The following SLC24A3 variants were observed in gnomAD, a reference collection of about 807,000 sequenced individuals.
SLC24A3 encodes the protein solute carrier family 24 member 3.
SLC24A3 carries 28 observed loss-of-function variants against 75.8 expected under a neutral mutation model. That is an observed-to-expected ratio of 0.37 (90% CI 0.27 to 0.51). The LOEUF is 0.51. Among genes scored for constraint, SLC24A3 ranks in the 20% least tolerant of loss-of-function variants. The pLI, the probability that SLC24A3 is intolerant of heterozygous loss-of-function variation, is 0.94. For synonymous variants in SLC24A3, 372 were observed against 334.1 expected, an observed-to-expected ratio of 1.11 and a Z score of -1.24; for missense variants, 663 against 847.8, an observed-to-expected ratio of 0.78 and a Z score of 2.71.
At chr20:19,319,704 C>T (rs764389176) in intron 2 of SLC24A3, among the ~76,000 whole-genome samples, 22 of 152,004 alleles carry the variant, frequency 1.4e-4, no homozygotes, top group African/African-American at 1.9e-4. Context: ...ATGGGGGAGG[C>T]GGTGTTGAGG....
chr20:19,683,708 G>A (rs576624344), intron 10 of SLC24A3, among the ~76,000 whole-genome samples: 1 of 152,204 alleles, frequency 6.6e-6, no homozygotes, highest in Non-Finnish European at 1.5e-5. Flanking sequence ...CCCCAGATCT[G>A]AATGGTGGGA....
Position 19,721,039 on chromosome 20 carries a change from T to C in SLC24A3, c.1834T>C (p.Cys612Arg). The change falls in exon 17 of 17, where the codon TGT becomes CGT. Residue 612 changes from cysteine to arginine, a missense_variant. Cys to Arg is a radical substitution (Grantham distance 180, BLOSUM62 -3). This residue lies in a region of SLC24A3 where 510 missense variants were observed against 703.6 expected (regional missense o/e 0.72). Transcript: ENST00000328041. ...NKWQLDKKLG[C>R]GCLLLYGVFL... ...GTGGCAGCTGGACAAGAAGCTGGGC[T>C]GTGGGTGCCTCCTCCTGTATGGTGT... The C allele has an allele frequency of 6.2e-7, 1 of 1,614,118 alleles. No homozygotes were observed. Among genetic ancestry groups the C allele is most frequent in the Non-Finnish European group, 8.5e-7 (1 of 1,180,024 alleles).
intron 2 of SLC24A3, among the ~76,000 whole-genome samples, chr20:19,337,989 T>C (rs1985175948): frequency 6.6e-6 from 1 of 152,102 alleles, no homozygotes; most frequent in African/African-American, 2.4e-5. Context: ...ATGGCCCATC[T>C]TCAGGGGATA....
At chr20:19,631,590 A>C (rs997510606) in intron 6 of SLC24A3, among the ~76,000 whole-genome samples, 4 of 152,178 alleles carry the variant, frequency 2.6e-5, no homozygotes, top group African/African-American at 9.7e-5. Flanking sequence ...CACGTGGCTG[A>C]CTGGGAGTTG....
intron 3 of SLC24A3, among the ~76,000 whole-genome samples, chr20:19,567,436 AC>A (rs1460826760): frequency 1.3e-5 from 2 of 152,214 alleles, no homozygotes. Context: ...ATTCTCACTT[AC>A]AAGTGGGAGT....
intron 3 of SLC24A3, among the ~76,000 whole-genome samples, chr20:19,548,024 A>T (rs1186564917): frequency 6.6e-6 from 1 of 152,192 alleles, no homozygotes; most frequent in Non-Finnish European, 1.5e-5. Flanking sequence ...TTCTGACTAC[A>T]TTATTTTCTC....
intron 12 of SLC24A3, among the ~76,000 whole-genome samples, chr20:19,687,648 T>G (rs1035526377): frequency 1.3e-5 from 2 of 152,198 alleles, no homozygotes; most frequent in Non-Finnish European, 2.9e-5. Context: ...GAGCCCAGAA[T>G]CCCCAAGTGC....
At chr20:19,711,465 T>G (rs571683504) in intron 15 of SLC24A3, among the ~76,000 whole-genome samples, 1 of 148,518 alleles carries the variant, frequency 6.7e-6, no homozygotes, top group Non-Finnish European at 1.5e-5. Flanking sequence ...CACACACACA[T>G]GCACAAATGC....
intron 6 of SLC24A3, among the ~76,000 whole-genome samples, chr20:19,601,098 A>G (rs1299544461): frequency 6.6e-6 from 1 of 152,230 alleles, no homozygotes; most frequent in Non-Finnish European, 1.5e-5. Flanking sequence ...AAATGGGAGT[A>G]ATAATAATAT....
At chr20:19,675,575 T>TCC (rs2032512833) in intron 9 of SLC24A3, among the ~76,000 whole-genome samples, 1 of 152,160 alleles carries the variant, frequency 6.6e-6, no homozygotes, top group South Asian at 2.1e-4. Context: ...AGGGGAGCCA[T>TCC]CCAATGGTTA....
intron 2 of SLC24A3, among the ~76,000 whole-genome samples, chr20:19,340,414 T>C (rs1238784890): frequency 1.3e-5 from 2 of 152,222 alleles, no homozygotes; most frequent in African/African-American, 2.4e-5. Flanking sequence ...GCTGACACCT[T>C]GATCTAGGAC....
intron 12 of SLC24A3, 154 bp from the exon 13 acceptor site, chr20:19,693,105 G>T (rs2032763723): frequency 6.0e-6 from 5 of 836,482 alleles, no homozygotes; most frequent in Non-Finnish European, 8.7e-6. Context: ...GTTGGTGATG[G>T]AAAGTCATTT....
Position 19,684,356 on chromosome 20 carries a change from C to G in SLC24A3, c.1062+20C>G, listed in dbSNP as rs1431042103. ...AATGAGGTACCTGGGAAAGCACTGT[C>G]CACTGCCCACTGGACAGGGGTGGGA... On this transcript the variant is annotated intron_variant, in intron 11 of 16. Coordinates refer to ENST00000328041, the MANE Select transcript of SLC24A3 (RefSeq NM_020689.4). The G allele has an allele frequency of 6.2e-7, 1 of 1,607,378 alleles. No individual in the cohort carries two copies. The highest frequency in any genetic ancestry group is 1.7e-5 in the Admixed American group (1 of 59,174).
At chr20:19,290,039 A>G (rs150536904) in intron 2 of SLC24A3, among the ~76,000 whole-genome samples, 1 of 152,154 alleles carries the variant, frequency 6.6e-6, no homozygotes, top group South Asian at 2.1e-4. Flanking sequence ...CAGATGTCTT[A>G]GGACCACCAC....
intron 8 of SLC24A3, among the ~76,000 whole-genome samples, chr20:19,669,953 C>T (rs539920839): frequency 7.6e-4 from 115 of 151,990 alleles, no homozygotes; most frequent in African/African-American, 2.7e-3. Context: ...CAGAGGACAG[C>T]GGGTGAGGTG....
chr20:19,499,821 C>A (rs1988357767), intron 2 of SLC24A3, among the ~76,000 whole-genome samples: 1 of 152,084 alleles, frequency 6.6e-6, no homozygotes, highest in Non-Finnish European at 1.5e-5. Context: ...CACATGGATG[C>A]TACATACATA....
At chr20:19,248,186 C>T (rs973395576) in intron 1 of SLC24A3, among the ~76,000 whole-genome samples, 1 of 152,196 alleles carries the variant, frequency 6.6e-6, no homozygotes, top group Non-Finnish European at 1.5e-5. Flanking sequence ...GTTTCTGCCA[C>T]GTTGCCTCCT....
intron 3 of SLC24A3, among the ~76,000 whole-genome samples, chr20:19,539,603 G>A (rs1174884391): frequency 6.6e-6 from 1 of 152,172 alleles, no homozygotes; most frequent in Non-Finnish European, 1.5e-5. Context: ...GATGATTTTA[G>A]AGGAAGAAGG....
At chr20:19,581,043 C>G (rs893500787) in intron 4 of SLC24A3, among the ~76,000 whole-genome samples, 1 of 152,196 alleles carries the variant, frequency 6.6e-6, no homozygotes, top group Non-Finnish European at 1.5e-5. Context: ...TAAGCAGTGT[C>G]TTCTACATCC....
Sources: gnomAD v4.1 joint callset for allele counts (sites outside exome capture counted in the v4.1 genomes callset) on GRCh38, gnomAD v4.1.1 for gene constraint, gnomAD v4.1.1 regional missense constraint, MANE v1.5 for transcripts, NCBI Gene and HGNC (gene_info 2026-07-23, HGNC 2026-07-21) for gene names.